EPHA6: variants seen among roughly 807,000 people sequenced by gnomAD.
The protein encoded by EPHA6 is ephrin type-A receptor 6.
Under a neutral mutation model 112.0 loss-of-function variants are expected in EPHA6, and 50 were observed. That is an observed-to-expected ratio of 0.45 (90% CI 0.36 to 0.56). The LOEUF (loss-of-function observed/expected upper bound fraction) is 0.56, where lower values mean the gene tolerates loss of function less well. EPHA6 is among the 20% of genes least tolerant of loss of function. The pLI is 0.00. For missense variants in EPHA6, 1,280 were observed against 1,417.4 expected, an observed-to-expected ratio of 0.90 and a Z score of 1.56; for synonymous variants, 529 against 490.7, an observed-to-expected ratio of 1.08 and a Z score of -1.03.
chr3:97,152,416 A>T (rs550836059), intron 3 of EPHA6, among the ~76,000 whole-genome samples: 5 of 149,612 alleles, frequency 3.3e-5, no homozygotes, highest in African/African-American at 1.2e-4. Context: ...AGTATAAACT[A>T]ATATTATTAT....
chr3:97,652,264 G>A (rs894363792), intron 14 of EPHA6, among the ~76,000 whole-genome samples: 1 of 151,994 alleles, frequency 6.6e-6, no homozygotes, highest in Admixed American at 6.6e-5. Context: ...AAATCTTTAT[G>A]GGAAAGCTTA....
intron 3 of EPHA6, among the ~76,000 whole-genome samples, chr3:96,995,622 C>T (rs550991655): frequency 3.9e-5 from 6 of 152,164 alleles, no homozygotes; most frequent in South Asian, 2.1e-4. Flanking sequence ...AAGCAAATAT[C>T]GCAGTAATGC....
At chr3:97,392,757 G>T (rs999632302) in intron 5 of EPHA6, among the ~76,000 whole-genome samples, 1 of 151,372 alleles carries the variant, frequency 6.6e-6, no homozygotes, top group Admixed American at 6.6e-5. Context: ...AATGATTTTA[G>T]TCATCTACTT....
chr3:97,479,361 C>T lies in EPHA6; in HGVS notation c.2071C>T (p.His691Tyr). The T allele has an allele frequency of 6.3e-7, 1 of 1,598,966 alleles. No individual in the cohort carries two copies. Among genetic ancestry groups the T allele is most frequent in the Non-Finnish European group, 8.5e-7 (1 of 1,172,672 alleles). Residue 691 changes from histidine to tyrosine, a missense_variant, in exon 9 of 18, where the codon CAT becomes TAT. His to Tyr is a moderately conservative substitution (Grantham distance 83). Transcript: ENST00000389672. ...EKRRNHLQNG[H>Y]LRFPGIKTYI... is the part of the protein sequence containing the mutation. The stretch of plus-strand genomic sequence containing the variant: ...GAGAAGAAACCACTTACAGAATGGG[C>T]ATTGTAAGTAGCGCAGGGACTTTCT...
chr3:97,183,762 C>A (rs1292049761), intron 3 of EPHA6, among the ~76,000 whole-genome samples: 2 of 151,996 alleles, frequency 1.3e-5, no homozygotes, highest in Non-Finnish European at 2.9e-5. Flanking sequence ...CAGGTAAGAT[C>A]TTGTCATGTC....
At chr3:97,250,019 A>C (rs955270527) in intron 5 of EPHA6, among the ~76,000 whole-genome samples, 1 of 152,212 alleles carries the variant, frequency 6.6e-6, no homozygotes, top group Non-Finnish European at 1.5e-5. Flanking sequence ...AGTTTTATGC[A>C]AGGAAACCAA....
intron 5 of EPHA6, among the ~76,000 whole-genome samples, chr3:97,346,001 C>T (rs941086391): frequency 6.6e-6 from 1 of 151,944 alleles, no homozygotes; most frequent in Non-Finnish European, 1.5e-5. Flanking sequence ...AAAAGTTTGT[C>T]CCTTAATATA....
chr3:97,107,802 G>A (rs543461664), intron 3 of EPHA6, among the ~76,000 whole-genome samples: 81 of 152,052 alleles, frequency 5.3e-4, no homozygotes, highest in South Asian at 3.3e-3. Flanking sequence ...TATCATTTTT[G>A]TAAATGTTAC....
chr3:96,831,028 A>C (rs2107274650), intron 1 of EPHA6, among the ~76,000 whole-genome samples: 1 of 152,272 alleles, frequency 6.6e-6, no homozygotes, highest in East Asian at 1.9e-4. Context: ...GTTGTACATG[A>C]TAAATACAAT....
chr3:97,628,805 T>C, intron 13 of EPHA6, among the ~76,000 whole-genome samples: 1 of 152,060 alleles, frequency 6.6e-6, no homozygotes, highest in East Asian at 1.9e-4. Flanking sequence ...ATTAGCACAC[T>C]TTTCTTGTAA....
chr3:97,525,094 G>C (rs1032409202), intron 10 of EPHA6, among the ~76,000 whole-genome samples: 2 of 152,006 alleles, frequency 1.3e-5, no homozygotes, highest in Admixed American at 1.3e-4. Flanking sequence ...ATGTATCTCT[G>C]TCTCGCTTCT....
intron 3 of EPHA6, among the ~76,000 whole-genome samples, chr3:97,046,095 T>C (rs2045496802): frequency 6.6e-6 from 1 of 152,124 alleles, no homozygotes; most frequent in Non-Finnish European, 1.5e-5. Flanking sequence ...ATACAGCTAA[T>C]AAGCTTAACA....
chr3:97,307,411 G>A (rs746245948), intron 5 of EPHA6, among the ~76,000 whole-genome samples: 4 of 151,746 alleles, frequency 2.6e-5, no homozygotes, highest in African/African-American at 9.7e-5. Context: ...TATTAACTAT[G>A]AGGAAGATGA....
At position 97,091,805 on chromosome 3, in the gene EPHA6, T is replaced by C. The variant is rs575490116; in HGVS notation, c.1114+103812T>C. On this transcript the variant is annotated intron_variant, in intron 3 of 17. Transcript: ENST00000389672. ...ATTTTTCTTGCTGTGAAGATGACTC[T>C]CAGTCTGGTGGTATCTTATCATTGT... Among the ~76,000 whole-genome samples, 164 of 152,268 alleles carry C rather than the reference T, an allele frequency of 1.1e-3. 1 individual carries two copies. The South Asian group carries it at 0.017, about 16-fold the overall frequency.
intron 3 of EPHA6, among the ~76,000 whole-genome samples, chr3:97,151,939 G>A (rs577988368): frequency 1.3e-5 from 2 of 151,768 alleles, no homozygotes; most frequent in East Asian, 1.9e-4. Context: ...ATTAATAAAT[G>A]GAATTTACTG....
chr3:97,324,417 C>CTTTCTTTCCTTCT (rs1559883612), intron 5 of EPHA6, among the ~76,000 whole-genome samples: 2 of 126,898 alleles, frequency 1.6e-5, no homozygotes, highest in African/African-American at 7.0e-5. Flanking sequence ...TTCTTTCTTT[C>CTTTCTTTCCTTCT]TTTCTTTCTT....
intron 13 of EPHA6, among the ~76,000 whole-genome samples, chr3:97,614,907 T>G (rs551562089): frequency 1.5e-4 from 23 of 152,252 alleles, no homozygotes; most frequent in African/African-American, 5.1e-4. Context: ...AAGTTTAATT[T>G]TGGTCATGTT....
chr3:97,043,499 T>A (rs2045393488), intron 3 of EPHA6, among the ~76,000 whole-genome samples: 2 of 152,188 alleles, frequency 1.3e-5, no homozygotes, highest in Non-Finnish European at 2.9e-5. Flanking sequence ...ATGCTGATGC[T>A]CTTTAGGAAA....
At chr3:96,972,261 T>C (rs2042342818) in intron 2 of EPHA6, among the ~76,000 whole-genome samples, 1 of 152,142 alleles carries the variant, frequency 6.6e-6, no homozygotes. Flanking sequence ...CAAGTATTTA[T>C]GTCCTTTTTA....
Sources: allele counts gnomAD v4.1 joint callset (sites outside exome capture counted in the v4.1 genomes callset), GRCh38; gene constraint gnomAD v4.1.1; transcripts MANE v1.5; gene names NCBI Gene and HGNC (gene_info 2026-07-23, HGNC 2026-07-21).